Variants in RASSF8 observed in about 807,000 individuals in gnomAD.
RASSF8 encodes the protein Ras association domain family member 8, also known as ras association domain-containing protein 8.
RASSF8 carries 22 observed loss-of-function variants against 48.5 expected under a neutral mutation model. The observed-to-expected ratio is 0.45, with a 90% CI of 0.32 to 0.65. The LOEUF (loss-of-function observed/expected upper bound fraction) is 0.65. Among genes scored for constraint, RASSF8 ranks in the 30% least tolerant of loss-of-function variants. The pLI is 0.03. For synonymous variants in RASSF8, 127 were observed against 171.5 expected (o/e 0.74, Z 2.03); for missense variants, 418 against 489.2 (o/e 0.85, Z 1.37).
At position 26,069,924 on chromosome 12, in the gene RASSF8, G is replaced by A. The variant is rs1943965766; in HGVS notation, c.*1106G>A. On this transcript the variant is annotated 3_prime_UTR_variant, in exon 6 of 6. Transcript: ENST00000689635. ...GGATATAAAGTCAAATTCAGCATAT[G>A]TTTTTATTTTTAGGCTTGACTTTTA... 1.0e-6 allele frequency: 1 copy of A among 980,120 alleles called. No homozygotes were observed. The highest frequency in any genetic ancestry group is 6.2e-5 in the Admixed American group (1 of 16,258). 60.7% of individuals were successfully genotyped at this position (980,120 alleles called of 1,614,324 possible).
Position 26,071,662 on chromosome 12 carries a change from T to C in RASSF8, c.*2844T>C. On this transcript the variant is annotated 3_prime_UTR_variant, in exon 6 of 6. Coordinates refer to ENST00000689635, the MANE Select transcript of RASSF8 (RefSeq NM_001394098.1). ...TTTTTGTCTTGATGCACAGGGACTTTTTTATAATATGAGACTTCAGTTGGT... is the reference window on the plus strand; with the variant it reads ...TTTTTGTCTTGATGCACAGGGACTTCTTTATAATATGAGACTTCAGTTGGT... 1.0e-6 allele frequency: 1 copy of C among 984,410 alleles called. No homozygotes were observed. Among genetic ancestry groups the C allele is most frequent in the Admixed American group, 6.1e-5 (1 of 16,266 alleles). The allele number at this position is 984,410 out of a possible 1,614,324, so 61.0% of individuals were successfully genotyped here.
chr12:26,077,158 T>G (rs1203809733), downstream of RASSF8, among the ~76,000 whole-genome samples: 10 of 152,360 alleles, frequency 6.6e-5, no homozygotes, highest in East Asian at 1.7e-3. Flanking sequence ...ATTCTGGATA[T>G]TAGCCCTTTG....
At chr12:25,972,403 G>C (rs937156381) in intron 1 of RASSF8, among the ~76,000 whole-genome samples, 31 of 152,082 alleles carry the variant, frequency 2.0e-4, no homozygotes, top group African/African-American at 7.0e-4. Context: ...CTGAGTAAGA[G>C]GAGAGAGTGG....
chr12:26,024,808 T>G (rs113027416), intron 2 of RASSF8, among the ~76,000 whole-genome samples: 11,268 of 151,914 alleles, frequency 0.074, 482 homozygotes, highest in Middle Eastern at 0.13. Context: ...ATACAAAAAA[T>G]TAGCCGGGCG....
At chr12:25,966,448 A>G (rs1941362458) in intron 1 of RASSF8, among the ~76,000 whole-genome samples, 1 of 152,144 alleles carries the variant, frequency 6.6e-6, no homozygotes, top group South Asian at 2.1e-4. Flanking sequence ...GGCCTCAAGC[A>G]GTCCTCCCAC....
At position 26,068,680 on chromosome 12, in the gene RASSF8, CTT is replaced by C. The variant is rs80259561; in HGVS notation, c.1139-15_1139-14del. ...GTTGACGAGCTCATCAGGTGGCTCT[CTT>C]TGTTTCCTGTTTAGAGGCACCATTC... On this transcript the variant is annotated splice_polypyrimidine_tract_variant and intron_variant, in intron 5 of 5. Transcript: ENST00000689635. 101,054 of 1,530,992 alleles carry C rather than the reference CTT, an allele frequency of 0.066. 3,896 individuals carry two copies. Among genetic ancestry groups the C allele is most frequent in the South Asian group, 0.11 (9,058 of 83,888 alleles). The allele number at this position is 1,530,992 out of a possible 1,614,324, so 94.8% of individuals were successfully genotyped here.
intron 2 of RASSF8, among the ~76,000 whole-genome samples, chr12:26,004,003 C>G (rs1942325441): frequency 6.6e-6 from 1 of 151,884 alleles, no homozygotes; most frequent in Non-Finnish European, 1.5e-5. Flanking sequence ...ATGGTGAAAC[C>G]CTATCTCTAC....
chr12:26,073,896 T>A (rs1944046472), downstream of RASSF8, among the ~76,000 whole-genome samples: 1 of 151,050 alleles, frequency 6.6e-6, no homozygotes, highest in Non-Finnish European at 1.5e-5. Flanking sequence ...CCAAAGTAAA[T>A]TTCCTAGTAA....
At chr12:25,988,809 G>A (rs1941948065) in intron 1 of RASSF8, among the ~76,000 whole-genome samples, 1 of 152,116 alleles carries the variant, frequency 6.6e-6, no homozygotes, top group South Asian at 2.1e-4. Context: ...GGTATGGTAG[G>A]GAAATGGGTC....
intron 2 of RASSF8, among the ~76,000 whole-genome samples, chr12:26,044,937 A>G (rs1301976239): frequency 1.3e-5 from 2 of 152,330 alleles, no homozygotes. Context: ...TTGTTTTATT[A>G]CAGTGAATAA....
intron 3 of RASSF8, among the ~76,000 whole-genome samples, chr12:26,056,229 A>G (rs942928998): frequency 6.6e-6 from 1 of 152,182 alleles, no homozygotes; most frequent in African/African-American, 2.4e-5. Context: ...AAAATGAAGC[A>G]CAGCTCTTGG....
At chr12:25,965,394 C>G (rs1941338163) in intron 1 of RASSF8, among the ~76,000 whole-genome samples, 1 of 120,506 alleles carries the variant, frequency 8.3e-6, no homozygotes, top group Non-Finnish European at 1.7e-5. Context: ...GAGACAGGGT[C>G]TTGCTCTGTT....
intron 2 of RASSF8, among the ~76,000 whole-genome samples, chr12:26,026,428 ATTAG>A (rs765641839): frequency 6.6e-4 from 100 of 152,224 alleles, no homozygotes; most frequent in Non-Finnish European, 1.3e-3. Flanking sequence ...TGGCTGTAAT[ATTAG>A]TTAGTTTATT....
intron 1 of RASSF8, among the ~76,000 whole-genome samples, chr12:25,975,408 C>G (rs1402262117): frequency 6.6e-6 from 1 of 152,188 alleles, no homozygotes; most frequent in Non-Finnish European, 1.5e-5. Flanking sequence ...TTATGAGAAG[C>G]AGCTTTTCCG....
At chr12:26,047,587 T>C (rs1408165363) in intron 2 of RASSF8, among the ~76,000 whole-genome samples, 1 of 152,240 alleles carries the variant, frequency 6.6e-6, no homozygotes, top group Non-Finnish European at 1.5e-5. Context: ...GCCTTCTATG[T>C]TCAGTGAAAT....
chr12:26,070,705 A>G lies in RASSF8; in HGVS notation c.*1887A>G, dbSNP rs933429646. 1.9e-4 allele frequency: 182 copies of G among 949,104 alleles called. No individual in the cohort carries two copies. Among genetic ancestry groups the G allele is most frequent in the Non-Finnish European group, 2.2e-4 (176 of 798,782 alleles). The allele number at this position is 949,104 out of a possible 1,614,324, so 58.8% of individuals were successfully genotyped here. A position where few individuals can be genotyped will look rare whatever the true frequency, so the allele number is the denominator to read the frequency against. ...CTTATTTTTAAATAAGTCATTCTGT[A>G]TAAAGTCATTTTGTTGTTGTTCAGA... is the stretch of plus-strand genomic sequence containing the variant. On this transcript the variant is annotated 3_prime_UTR_variant, in exon 6 of 6. Coordinates refer to ENST00000689635, the MANE Select transcript of RASSF8 (RefSeq NM_001394098.1).
chr12:26,039,319 TAGC>T (rs1943216864), intron 2 of RASSF8, among the ~76,000 whole-genome samples: 1 of 152,178 alleles, frequency 6.6e-6, no homozygotes, highest in African/African-American at 2.4e-5. Context: ...GGGGGGATAA[TAGC>T]AGGTCCAGGT....
intron 1 of RASSF8, among the ~76,000 whole-genome samples, chr12:25,977,492 T>C (rs1380451597): frequency 6.6e-6 from 1 of 152,168 alleles, no homozygotes; most frequent in Non-Finnish European, 1.5e-5. Context: ...ATTTTTTTTT[T>C]CTGGAAATAA....
chr12:26,016,262 T>C (rs1411063424), intron 2 of RASSF8, among the ~76,000 whole-genome samples: 1 of 151,934 alleles, frequency 6.6e-6, no homozygotes, highest in Non-Finnish European at 1.5e-5. Context: ...TTCTGGATTA[T>C]ATAAAATGAA....
Sources: allele counts gnomAD v4.1 joint callset (sites outside exome capture counted in the v4.1 genomes callset), GRCh38; gene constraint gnomAD v4.1.1; transcripts MANE v1.5; gene names NCBI Gene and HGNC (gene_info 2026-07-23, HGNC 2026-07-21).